The following EIF4E2 variants were observed in gnomAD, a reference collection of about 807,000 sequenced individuals.
EIF4E2 encodes the protein eukaryotic translation initiation factor 4E type 2.
EIF4E2 carries 13 observed loss-of-function variants against 34.2 expected under a neutral mutation model. The observed-to-expected ratio is 0.38, with a 90% confidence interval of 0.25 to 0.60. The LOEUF (loss-of-function observed/expected upper bound fraction) is 0.60. EIF4E2 is among the 20% of genes least tolerant of loss of function. EIF4E2 has a pLI of 0.62. For synonymous variants in EIF4E2, 100 were observed against 106.6 expected, an observed-to-expected ratio of 0.94 and a Z score of 0.38; for missense variants, 222 against 315.1, an observed-to-expected ratio of 0.70 and a Z score of 2.24.
chr2:232,550,806 CGCTGGG>C, intron 1 of EIF4E2, 62 bp downstream of exon 1: 1 of 1,461,974 alleles, frequency 6.8e-7, no homozygotes, highest in Non-Finnish European at 9.2e-7. Flanking sequence ...CGCCCGCCCC[CGCTGGG>C]GCTGGGGCGG....
chr2:232,579,161 CA>C, intron 6 of EIF4E2, among the ~76,000 whole-genome samples: 1 of 129,944 alleles, frequency 7.7e-6, no homozygotes, highest in East Asian at 2.2e-4. Context: ...CACACACACA[CA>C]CACACCAGTT....
intron 2 of EIF4E2, chr2:232,557,678 CAGGTA>C: frequency 1.7e-6 from 1 of 604,698 alleles, no homozygotes. Flanking sequence ...CATAAGAACA[CAGGTA>C]AAGTGTTTCA....
chr2:232,552,534 A>G (rs997254216), intron 1 of EIF4E2, among the ~76,000 whole-genome samples: 2 of 152,202 alleles, frequency 1.3e-5, no homozygotes, highest in Non-Finnish European at 2.9e-5. Context: ...TACTCTAACA[A>G]TTCTGTGAAG....
chr2:232,551,141 C>T (rs1692299036), intron 1 of EIF4E2: 1 of 544,822 alleles, frequency 1.8e-6, no homozygotes, highest in Non-Finnish European at 3.6e-6. Context: ...CTCCCTCTCC[C>T]CTCTGAGCCT....
intron 2 of EIF4E2, among the ~76,000 whole-genome samples, chr2:232,557,143 G>A (rs1445868285): frequency 1.3e-5 from 2 of 152,212 alleles, no homozygotes; most frequent in Non-Finnish European, 1.5e-5. Context: ...TACTGGGGAG[G>A]CTGAGGCAGG....
At chr2:232,580,051 A>G (rs905153939) in intron 6 of EIF4E2, among the ~76,000 whole-genome samples, 3 of 151,176 alleles carry the variant, frequency 2.0e-5, no homozygotes, top group African/African-American at 7.3e-5. Context: ...AAGGCAACTA[A>G]GAGGACACAT....
At chr2:232,561,915 GT>G (rs150509316) in intron 3 of EIF4E2, among the ~76,000 whole-genome samples, 2,487 of 151,940 alleles carry the variant, frequency 0.016, 76 homozygotes, top group African/African-American at 0.056. Flanking sequence ...ATCTTTTAAA[GT>G]TTAATAATAT....
intron 6 of EIF4E2, 92 bp from the exon 7 acceptor site, chr2:232,568,853 A>G: frequency 6.3e-7 from 1 of 1,575,410 alleles, no homozygotes; most frequent in Admixed American, 1.9e-5. Flanking sequence ...AGAGACCAGA[A>G]GACCAACCCT....
chr2:232,551,961 C>G (rs773226918), intron 1 of EIF4E2, among the ~76,000 whole-genome samples: 1 of 152,126 alleles, frequency 6.6e-6, no homozygotes. Context: ...CTCTACGAAC[C>G]TCTCCCCCGC....
chr2:232,550,752 GC>G lies in EIF4E2; in HGVS notation c.20+9del, dbSNP rs768374649. ...GAACAACAAGTTCGACGCGTGAGTGGCTCGTGGCCGCCCCCGGGGCCCCTTC... is the reference window on the plus strand; with the variant it reads ...GAACAACAAGTTCGACGCGTGAGTGGTCGTGGCCGCCCCCGGGGCCCCTTC... On this transcript the variant is annotated intron_variant, in intron 1 of 6. Coordinates refer to ENST00000258416, the MANE Select transcript of EIF4E2 (RefSeq NM_004846.4). 9 of 1,569,566 alleles carry G rather than the reference GC, an allele frequency of 5.7e-6. No homozygotes were observed. In the Admixed American group the frequency reaches 1.7e-4, roughly 29 times the overall value.
intron 6 of EIF4E2, chr2:232,568,181 A>C: frequency 2.0e-6 from 2 of 985,272 alleles, no homozygotes; most frequent in South Asian, 9.4e-5. Flanking sequence ...GAATATCATC[A>C]TGTTGTTATT....
chr2:232,559,760 G>T (rs982652411), intron 3 of EIF4E2, among the ~76,000 whole-genome samples: 1 of 149,320 alleles, frequency 6.7e-6, no homozygotes, highest in African/African-American at 2.5e-5. Context: ...CCTAGGCAAC[G>T]TGATGAGACC....
chr2:232,579,074 G>A (rs189776261), intron 6 of EIF4E2, among the ~76,000 whole-genome samples: 1 of 150,450 alleles, frequency 6.6e-6, no homozygotes, highest in Non-Finnish European at 1.5e-5. Context: ...AGTGTCTTTT[G>A]TAATGCATCT....
At chr2:232,551,758 C>T (rs1319370739) in intron 1 of EIF4E2, among the ~76,000 whole-genome samples, 1 of 152,292 alleles carries the variant, frequency 6.6e-6, no homozygotes, top group East Asian at 1.9e-4. Flanking sequence ...TAGGTTGTGA[C>T]CTGGTGCTTT....
chr2:232,557,024 A>G (rs1692546429), intron 2 of EIF4E2, among the ~76,000 whole-genome samples: 1 of 152,188 alleles, frequency 6.6e-6, no homozygotes, highest in Admixed American at 6.5e-5. Flanking sequence ...AGGTGGGTGG[A>G]TCACTAGGTC....
intron 3 of EIF4E2, among the ~76,000 whole-genome samples, chr2:232,562,246 C>T (rs1011271078): frequency 1.3e-5 from 2 of 151,946 alleles, no homozygotes; most frequent in East Asian, 1.9e-4. Flanking sequence ...ATGATAGTCT[C>T]GAGCTGTTTA....
At chr2:232,563,414 G>C (rs1398154032) in intron 3 of EIF4E2, among the ~76,000 whole-genome samples, 1 of 151,800 alleles carries the variant, frequency 6.6e-6, no homozygotes, top group East Asian at 1.9e-4. Flanking sequence ...AAGGGGAGGG[G>C]GGGTGACACT....
chr2:232,569,473 G>A (rs974835276), downstream of EIF4E2, among the ~76,000 whole-genome samples: 3 of 152,052 alleles, frequency 2.0e-5, no homozygotes, highest in Admixed American at 6.5e-5. Flanking sequence ...TAGTCACACC[G>A]ATGACCAGAA....
chr2:232,579,791 G>C (rs947451923), intron 6 of EIF4E2, among the ~76,000 whole-genome samples: 1 of 152,044 alleles, frequency 6.6e-6, no homozygotes, highest in Admixed American at 6.6e-5. Context: ...TGAGATACTA[G>C]GTCAGTTAAA....
Sources: gnomAD v4.1 joint callset for allele counts (sites outside exome capture counted in the v4.1 genomes callset) on GRCh38, gnomAD v4.1.1 for gene constraint, MANE v1.5 for transcripts, NCBI Gene and HGNC (gene_info 2026-07-23, HGNC 2026-07-21) for gene names.